ACTR3C: variants seen among roughly 807,000 people sequenced by gnomAD.
ACTR3C encodes the protein actin related protein 3C.
Under a neutral mutation model 26.3 loss-of-function variants are expected in ACTR3C, and 18 were observed. The ratio of observed to expected loss-of-function variants is 0.68; its 90% CI spans 0.47 to 1.01. The LOEUF (loss-of-function observed/expected upper bound fraction) is 1.01, where lower values mean the gene tolerates loss of function less well. Among genes scored for constraint, ACTR3C ranks in the 50% least tolerant of loss-of-function variants. ACTR3C has a pLI of 0.00. For missense variants in ACTR3C, 184 were observed against 250.7 expected (o/e 0.73, Z 1.80); for synonymous variants, 55 against 94.5 (o/e 0.58, Z 2.42).
At chr7:150,033,104 C>T in the ACTR3C span, among the ~76,000 whole-genome samples, 1 of 152,120 alleles carries the variant, frequency 6.6e-6, no homozygotes, top group African/African-American at 2.4e-5. Context: ...ACATTGTCAG[C>T]CTGAACGGGG....
At chr7:150,006,470 T>G in the ACTR3C span, among the ~76,000 whole-genome samples, 14 of 149,480 alleles carry the variant, frequency 9.4e-5, no homozygotes, top group Admixed American at 3.4e-4. Flanking sequence ...GTGCTGGGAT[T>G]ACAGGCATGA....
the ACTR3C span, among the ~76,000 whole-genome samples, chr7:150,085,249 CCTCATCA>C: frequency 2.6e-5 from 4 of 152,164 alleles, no homozygotes. Flanking sequence ...AACCAGGAAT[CCTCATCA>C]TATGGCCAGT....
the ACTR3C span, among the ~76,000 whole-genome samples, chr7:150,108,566 G>A: frequency 1.3e-5 from 2 of 149,198 alleles, no homozygotes; most frequent in Non-Finnish European, 3.0e-5. Flanking sequence ...CAGTGTTTGG[G>A]GGGTGGGGCC....
chr7:149,916,794 C>T, the ACTR3C span, among the ~76,000 whole-genome samples: 2 of 150,676 alleles, frequency 1.3e-5, no homozygotes, highest in Non-Finnish European at 3.0e-5. Context: ...CCATGAGTCC[C>T]TTAACTTGTC....
At chr7:150,032,566 G>A in the ACTR3C span, among the ~76,000 whole-genome samples, 1 of 152,130 alleles carries the variant, frequency 6.6e-6, no homozygotes, top group Non-Finnish European at 1.5e-5. Context: ...GTTAGGAAGT[G>A]TAAAACTTCA....
At chr7:150,202,082 C>T in the ACTR3C span, among the ~76,000 whole-genome samples, 6,786 of 152,218 alleles carry the variant, frequency 0.045, 351 homozygotes, top group East Asian at 0.16. Context: ...AATAACACAT[C>T]ATTTAAAGAC....
downstream of ACTR3C, among the ~76,000 whole-genome samples, chr7:150,239,659 G>C (rs1177624945): frequency 1.3e-5 from 2 of 148,240 alleles, no homozygotes; most frequent in East Asian, 3.9e-4. Context: ...GACATGGGTG[G>C]AACTGGCTAG....
chr7:149,975,987 G>A, the ACTR3C span, among the ~76,000 whole-genome samples: 1 of 152,200 alleles, frequency 6.6e-6, no homozygotes, highest in South Asian at 2.1e-4. Context: ...TATTTGACAA[G>A]ATGGAAATCA....
At chr7:150,153,461 C>G in the ACTR3C span, among the ~76,000 whole-genome samples, 1 of 139,792 alleles carries the variant, frequency 7.2e-6, no homozygotes, top group Non-Finnish European at 1.5e-5. Context: ...AGCCAAAAAA[C>G]ACATGAAAAA....
chr7:150,119,498 T>C, the ACTR3C span, among the ~76,000 whole-genome samples: 1 of 152,198 alleles, frequency 6.6e-6, no homozygotes, highest in Non-Finnish European at 1.5e-5. Context: ...GGGCATTACA[T>C]AATGGTAAAG....
the ACTR3C span, among the ~76,000 whole-genome samples, chr7:150,089,981 G>A: frequency 6.6e-6 from 1 of 152,110 alleles, no homozygotes; most frequent in African/African-American, 2.4e-5. Context: ...ACTAATAAAA[G>A]CAAAAGCCCA....
the ACTR3C span, among the ~76,000 whole-genome samples, chr7:149,883,881 G>C: frequency 3.1e-4 from 47 of 152,308 alleles, no homozygotes; most frequent in South Asian, 9.1e-3. Flanking sequence ...CTGATCCCAG[G>C]CTTCCCGAAC....
chr7:150,255,127 G>A (rs577914722), intron 6 of ACTR3C, among the ~76,000 whole-genome samples: 86 of 151,832 alleles, frequency 5.7e-4, no homozygotes, highest in African/African-American at 1.6e-3. Flanking sequence ...AAGTCACAGC[G>A]TAAGAACATG....
rs140641926 is a variant in ACTR3C, at chr7:150,309,873, G to A, written c.-52+13596C>T. Among the ~76,000 whole-genome samples, 575 of 152,214 alleles carry A rather than the reference G, an allele frequency of 3.8e-3. 5 individuals are homozygous for A. The highest frequency in any genetic ancestry group is 0.013 in the African/African-American group (553 of 41,516). ...AGCCCCCTGGACCATCATGGACGCC[G>A]AGCTTCGGGTAACTTTTACAGTGGA... On this transcript the variant is annotated intron_variant, in intron 1 of 7. Coordinates refer to ENST00000683684, the MANE Select transcript of ACTR3C (RefSeq NM_001164458.2).
At chr7:150,020,332 G>A in the ACTR3C span, among the ~76,000 whole-genome samples, 1 of 152,104 alleles carries the variant, frequency 6.6e-6, no homozygotes, top group African/African-American at 2.4e-5. Flanking sequence ...CCTGGAGGGA[G>A]GAATCTGTGT....
At chr7:150,127,001 T>C in the ACTR3C span, among the ~76,000 whole-genome samples, 1 of 152,220 alleles carries the variant, frequency 6.6e-6, no homozygotes, top group Non-Finnish European at 1.5e-5. Context: ...AGGTACTCTT[T>C]CCTGAATACA....
chr7:150,111,011 A>G, the ACTR3C span, among the ~76,000 whole-genome samples: 1 of 151,070 alleles, frequency 6.6e-6, no homozygotes, highest in African/African-American at 2.5e-5. Flanking sequence ...ATCCTGGCCT[A>G]AAACAGTGGT....
the ACTR3C span, among the ~76,000 whole-genome samples, chr7:150,031,397 C>A: frequency 1.1e-3 from 160 of 152,034 alleles, 4 homozygotes; most frequent in South Asian, 6.2e-4. Context: ...GTATTCTGGG[C>A]CTGCTTAAGG....
At chr7:150,028,461 T>C in the ACTR3C span, among the ~76,000 whole-genome samples, 1 of 152,426 alleles carries the variant, frequency 6.6e-6, no homozygotes, top group Admixed American at 6.5e-5. Flanking sequence ...TCATCAGACT[T>C]TAAAGCAGTG....
Sources: gnomAD v4.1 joint callset for allele counts (sites outside exome capture counted in the v4.1 genomes callset) on GRCh38, gnomAD v4.1.1 for gene constraint, MANE v1.5 for transcripts, NCBI Gene and HGNC (gene_info 2026-07-23, HGNC 2026-07-21) for gene names.